CNTNAP2: variants seen among roughly 807,000 people sequenced by gnomAD.
CNTNAP2 encodes contactin associated protein 2.
Under a neutral mutation model 155.2 loss-of-function variants are expected in CNTNAP2, and 98 were observed. The ratio of observed to expected loss-of-function variants is 0.63; its 90% CI spans 0.54 to 0.75. The LOEUF (loss-of-function observed/expected upper bound fraction) is 0.75. Ranked by LOEUF, CNTNAP2 falls within the 30% of genes least tolerant of loss-of-function variation. The pLI is 0.00. For synonymous variants in CNTNAP2, 651 were observed against 631.2 expected, an observed-to-expected ratio of 1.03 and a Z score of -0.47; for missense variants, 1,727 against 1,688.1, an observed-to-expected ratio of 1.02 and a Z score of -0.40.
intron 12 of CNTNAP2, among the ~76,000 whole-genome samples, chr7:147,624,982 T>G (rs1234559055): frequency 6.6e-6 from 1 of 152,170 alleles, no homozygotes; most frequent in South Asian, 2.1e-4. Flanking sequence ...GAGATCATTA[T>G]GTTAAGTGAA....
At chr7:147,873,389 G>A (rs1799362199) in intron 13 of CNTNAP2, among the ~76,000 whole-genome samples, 1 of 152,150 alleles carries the variant, frequency 6.6e-6, no homozygotes, top group South Asian at 2.1e-4. Context: ...GGCTGGGGAG[G>A]CCTCACAATC....
chr7:146,863,637 C>G (rs915796041), intron 3 of CNTNAP2, among the ~76,000 whole-genome samples: 3 of 152,018 alleles, frequency 2.0e-5, no homozygotes, highest in Non-Finnish European at 4.4e-5. Context: ...TAGTACTATG[C>G]TATTTGCTTC....
At chr7:146,781,740 G>A (rs1013833906) in intron 2 of CNTNAP2, among the ~76,000 whole-genome samples, 3 of 152,060 alleles carry the variant, frequency 2.0e-5, no homozygotes, top group Non-Finnish European at 4.4e-5. Context: ...TCTCTGAGTT[G>A]CATTTATAAA....
At chr7:146,709,433 G>A (rs889744439) in intron 1 of CNTNAP2, among the ~76,000 whole-genome samples, 1 of 152,152 alleles carries the variant, frequency 6.6e-6, no homozygotes, top group Non-Finnish European at 1.5e-5. Flanking sequence ...ATTGAAATGT[G>A]TGACTAGATT....
intron 1 of CNTNAP2, among the ~76,000 whole-genome samples, chr7:146,190,162 C>T (rs191601820): frequency 3.4e-4 from 52 of 152,256 alleles, no homozygotes; most frequent in African/African-American, 1.0e-3. Flanking sequence ...CTCATGCGTT[C>T]GTTTGTTAAT....
intron 12 of CNTNAP2, among the ~76,000 whole-genome samples, chr7:147,585,025 A>G (rs181861438): frequency 3.3e-5 from 5 of 152,288 alleles, no homozygotes; most frequent in African/African-American, 9.6e-5. Context: ...GCTAGGGCAC[A>G]TCAGTCTCTG....
chr7:147,175,219 A>T (rs796650736), intron 8 of CNTNAP2, among the ~76,000 whole-genome samples: 3 of 152,042 alleles, frequency 2.0e-5, no homozygotes, highest in Admixed American at 6.6e-5. Context: ...TAAGGATTTC[A>T]TCTAATCAAT....
chr7:147,639,245 C>A lies in CNTNAP2; in HGVS notation c.2037C>A (p.Ala679=), dbSNP rs539741829. ...AGATAAGTGCCATCACTGACAGTGC[C>A]GAGTACTGCGAGCAGTATGTCTCCT... The part of the protein sequence containing the change: ...MDQISAITDS[A]EYCEQYVSYF... The change falls in exon 13 of 24, where the codon GCC becomes GCA. Residue 679 remains alanine (A), a synonymous_variant. Transcript: ENST00000361727. The A allele has an allele frequency of 6.2e-7, 1 of 1,614,060 alleles. No individual in the cohort carries two copies.
intron 13 of CNTNAP2, among the ~76,000 whole-genome samples, chr7:147,708,736 C>T (rs1796355988): frequency 6.6e-6 from 1 of 152,140 alleles, no homozygotes; most frequent in Non-Finnish European, 1.5e-5. Flanking sequence ...GCCAAGCAGG[C>T]AGCCTCACTT....
intron 1 of CNTNAP2, among the ~76,000 whole-genome samples, chr7:146,215,276 C>T (rs182639591): frequency 1.3e-5 from 2 of 152,206 alleles, no homozygotes; most frequent in African/African-American, 4.8e-5. Flanking sequence ...TAAAAAATGT[C>T]CTTTCCTTAA....
intron 1 of CNTNAP2, among the ~76,000 whole-genome samples, chr7:146,600,410 A>T (rs1191302439): frequency 6.6e-6 from 1 of 152,172 alleles, no homozygotes; most frequent in Non-Finnish European, 1.5e-5. Flanking sequence ...CTTTAAAAAG[A>T]CGTTTTAAAA....
At chr7:147,305,590 C>T (rs1485181751) in intron 9 of CNTNAP2, among the ~76,000 whole-genome samples, 1 of 152,190 alleles carries the variant, frequency 6.6e-6, no homozygotes, top group Non-Finnish European at 1.5e-5. Flanking sequence ...TGTTTTCTAG[C>T]TCTTTTTCAT....
intron 1 of CNTNAP2, among the ~76,000 whole-genome samples, chr7:146,491,252 T>C: frequency 6.6e-6 from 1 of 152,074 alleles, no homozygotes; most frequent in East Asian, 1.9e-4. Context: ...AATGGAATCT[T>C]GTATTGCCCC....
At chr7:146,316,822 C>G (rs1420427942) in intron 1 of CNTNAP2, among the ~76,000 whole-genome samples, 1 of 151,858 alleles carries the variant, frequency 6.6e-6, no homozygotes, top group Admixed American at 6.6e-5. Flanking sequence ...AGCACACCTA[C>G]TCTTTCCAAG....
In CNTNAP2 at chr7:147,069,530, C is replaced by T. The variant is rs73469011; in HGVS notation, c.550+25476C>T. On this transcript the variant is annotated intron_variant, in intron 4 of 23. Transcript: ENST00000361727. ...TTTATTTTCTAATAAATTCTATTCA[C>T]GGAGAACAAACAGTATGACTTTCTG... Among the ~76,000 whole-genome samples the T allele has an allele frequency of 5.6e-3, 846 of 152,166 alleles. 4 individuals are homozygous for T. Among genetic ancestry groups the T allele is most frequent in the African/African-American group, 0.019 (802 of 41,506 alleles).
At chr7:146,918,560 A>G (rs1796439984) in intron 3 of CNTNAP2, among the ~76,000 whole-genome samples, 1 of 152,200 alleles carries the variant, frequency 6.6e-6, no homozygotes. Flanking sequence ...TGTTAATCTG[A>G]TAGGTTTTCC....
intron 6 of CNTNAP2, among the ~76,000 whole-genome samples, chr7:147,127,041 T>C (rs1313028502): frequency 8.5e-5 from 13 of 152,146 alleles, no homozygotes; most frequent in Admixed American, 5.9e-4. Context: ...TTTAATAATA[T>C]TAAACATTGA....
chr7:147,823,823 A>G (rs1489821599), intron 13 of CNTNAP2, among the ~76,000 whole-genome samples: 1 of 152,188 alleles, frequency 6.6e-6, no homozygotes, highest in Non-Finnish European at 1.5e-5. Flanking sequence ...AATAGAAGCA[A>G]AAGTAGTAAA....
At chr7:147,817,604 T>A (rs546910095) in intron 13 of CNTNAP2, among the ~76,000 whole-genome samples, 48 of 151,950 alleles carry the variant, frequency 3.2e-4, no homozygotes, top group African/African-American at 8.9e-4. Context: ...TGGGAAAAAA[T>A]TTAAAAAATA....
Sources: gnomAD v4.1 joint callset for allele counts (sites outside exome capture counted in the v4.1 genomes callset) on GRCh38, gnomAD v4.1.1 for gene constraint, MANE v1.5 for transcripts, NCBI Gene and HGNC (gene_info 2026-07-23, HGNC 2026-07-21) for gene names.